PCDHGB4: variants seen among roughly 807,000 people sequenced by gnomAD.
PCDHGB4 encodes protocadherin gamma-B4.
In PCDHGB4, 38 loss-of-function variants were observed where a neutral mutation model predicts 60.5. The observed-to-expected ratio is 0.63, with a 90% confidence interval of 0.48 to 0.82. The LOEUF is 0.82. PCDHGB4 is among the 40% of genes least tolerant of loss of function. The pLI is 0.00. For missense variants in PCDHGB4, 1,109 were observed against 1,209.6 expected, an observed-to-expected ratio of 0.92 and a Z score of 1.23; for synonymous variants, 456 against 509.7, an observed-to-expected ratio of 0.89 and a Z score of 1.42.
chr5:141,505,450 G>T lies in PCDHGB4; in HGVS notation c.2514G>T (p.Met838Ile). Residue 838 changes from methionine (M) to isoleucine (I), a missense_variant, in exon 3 of 4, where the codon ATG becomes ATT. By Grantham distance (10) the Met-to-Ile change is conservative (BLOSUM62 1). This residue lies in a region of PCDHGB4 where 1,068 missense variants were observed against 1,089.9 expected (regional missense o/e 0.98). Coordinates refer to ENST00000519479, the MANE Select transcript of PCDHGB4 (RefSeq NM_003736.4). ...TWPNNQFDTE[M>I]LQAMILASAS... ...CCAACAACCAGTTTGACACAGAGAT[G>T]CTGCAAGCCATGATCTTGGCGTCCG... 6.2e-7 allele frequency: 1 copy of T among 1,614,194 alleles called. No homozygotes were observed. The highest frequency in any genetic ancestry group is 8.5e-7 in the Non-Finnish European group (1 of 1,180,012).
intron 1 of PCDHGB4, chr5:141,417,729 G>T (rs1175282861): frequency 1.6e-5 from 22 of 1,376,276 alleles, no homozygotes; most frequent in African/African-American, 8.8e-5. Context: ...CGCAGACCTT[G>T]CCCAGCACAC....
At chr5:141,441,863 C>A in intron 1 of PCDHGB4, 2 of 342,418 alleles carry the variant, frequency 5.8e-6, no homozygotes, top group African/African-American at 2.2e-5. Flanking sequence ...CTGCACGCCG[C>A]GGAGCCTGGC....
chr5:141,468,433 A>G (rs2099167290), intron 1 of PCDHGB4: 1 of 152,202 alleles, frequency 6.6e-6, no homozygotes, highest in Non-Finnish European at 1.5e-5. Context: ...GGTAATAGCA[A>G]AATGTGGGTG....
intron 1 of PCDHGB4, chr5:141,427,797 G>A (rs1194658203): frequency 6.0e-6 from 9 of 1,505,188 alleles, no homozygotes; most frequent in Admixed American, 3.4e-5. Context: ...CTACGTGTCC[G>A]TGAGCGCACA....
intron 1 of PCDHGB4, among the ~76,000 whole-genome samples, chr5:141,451,924 G>C (rs1337159204): frequency 1.3e-5 from 2 of 152,008 alleles, no homozygotes; most frequent in African/African-American, 4.8e-5. Context: ...AAGGAAGGGA[G>C]GTAGGGAGGC....
intron 1 of PCDHGB4, among the ~76,000 whole-genome samples, chr5:141,445,011 T>C (rs970882082): frequency 1.3e-5 from 2 of 152,196 alleles, no homozygotes; most frequent in Non-Finnish European, 2.9e-5. Flanking sequence ...AATTAGGTCT[T>C]TAATTTCTCT....
At chr5:141,426,850 C>T in intron 1 of PCDHGB4, 1 of 456,734 alleles carries the variant, frequency 2.2e-6, no homozygotes. Context: ...GGCAAGAACG[C>T]TCCAGAATTA....
At chr5:141,507,474 C>T (rs774159694) in intron 3 of PCDHGB4, among the ~76,000 whole-genome samples, 2 of 152,196 alleles carry the variant, frequency 1.3e-5, no homozygotes, top group Non-Finnish European at 2.9e-5. Flanking sequence ...GCAGGGACTG[C>T]TGGCCTCCTG....
At chr5:141,403,452 T>C (rs1482278011) in intron 1 of PCDHGB4, 15 of 1,613,988 alleles carry the variant, frequency 9.3e-6, no homozygotes, top group Non-Finnish European at 1.3e-5. Flanking sequence ...GTGAACTCCC[T>C]CCAGAGCTAC....
chr5:141,403,088 G>C (rs1561685667), intron 1 of PCDHGB4: 2 of 1,614,030 alleles, frequency 1.2e-6, no homozygotes, highest in Non-Finnish European at 1.7e-6. Context: ...CTATATTGTG[G>C]GCAACATCTC....
chr5:141,457,428 C>G (rs72790053), intron 1 of PCDHGB4, among the ~76,000 whole-genome samples: 1,866 of 152,262 alleles, frequency 0.012, 18 homozygotes, highest in Non-Finnish European at 0.017. Context: ...TTTTTCCCCC[C>G]CACCAAGCTG....
At chr5:141,483,737 G>A (rs1052778197) in intron 1 of PCDHGB4, among the ~76,000 whole-genome samples, 4 of 152,102 alleles carry the variant, frequency 2.6e-5, no homozygotes, top group South Asian at 2.1e-4. Context: ...TAGTCAAAAG[G>A]ATATTCCTGA....
intron 1 of PCDHGB4, chr5:141,418,511 G>A: frequency 5.6e-6 from 9 of 1,613,974 alleles, no homozygotes; most frequent in Non-Finnish European, 7.6e-6. Context: ...CTTAGATGGT[G>A]GGGACCCTCC....
chr5:141,395,119 T>C, intron 1 of PCDHGB4: 1 of 1,614,182 alleles, frequency 6.2e-7, no homozygotes. Flanking sequence ...AGTCACCTGA[T>C]CTTTCCCCAG....
Position 141,489,569 on chromosome 5 carries a change from C to T in PCDHGB4, c.2398-5238C>T. On this transcript the variant is annotated intron_variant, in intron 1 of 3. Coordinates refer to ENST00000519479, the MANE Select transcript of PCDHGB4 (RefSeq NM_003736.4). This position sits in a 1 kb window ranked among gnomAD's most constrained non-coding sequence, Gnocchi z 4.5. ...TGCCTGCTGCCAGTGCAGGTGGTGACTGAACACCCCCTGGAGCTAATCCGT... is the reference window on the plus strand; with the variant it reads ...TGCCTGCTGCCAGTGCAGGTGGTGATTGAACACCCCCTGGAGCTAATCCGT... 6.2e-7 allele frequency: 1 copy of T among 1,614,024 alleles called. No homozygotes were observed. The highest frequency in any genetic ancestry group is 2.2e-5 in the East Asian group (1 of 44,870).
At position 141,460,491 on chromosome 5, in the gene PCDHGB4, A is replaced by G. The variant is rs544539917; in HGVS notation, c.2398-34316A>G. Among the ~76,000 whole-genome samples, 240 of 152,272 alleles carry G rather than the reference A, an allele frequency of 1.6e-3. 1 individual carries two copies. Among genetic ancestry groups the G allele is most frequent in the Non-Finnish European group, 2.6e-3 (177 of 68,014 alleles). On this transcript the variant is annotated intron_variant, in intron 1 of 3. Transcript: ENST00000519479. ...AAGGAATATCCAATTGTCTCTTTGG[A>G]AAAATATGCTGAGAAGGCTATCTTT...
In PCDHGB4 at chr5:141,510,950, C is replaced by T. The variant is rs770587030; in HGVS notation, c.2549C>T (p.Ala850Val). 1.2e-6 allele frequency: 2 copies of T among 1,614,126 alleles called. No homozygotes were observed. The highest frequency in any genetic ancestry group is 2.2e-5 in the South Asian group (2 of 91,078). ...QAMILASASE[A>V]ADGSSTLGGG... Reference sequence around the variant, plus strand: ...TGATCTTCCTCTGTCTCTGCAGAAGCTGCTGATGGGAGCTCCACCCTGGGA... The same window carrying T: ...TGATCTTCCTCTGTCTCTGCAGAAGTTGCTGATGGGAGCTCCACCCTGGGA... The change falls in exon 4 of 4, where the codon GCT (alanine) becomes GTT (valine). Residue 850 changes from alanine (A) to valine (V), a missense_variant. Physicochemically the swap from Ala to Val is moderately conservative, Grantham distance 64. This residue lies in a region of PCDHGB4 where 1,068 missense variants were observed against 1,089.9 expected (regional missense o/e 0.98). Transcript: ENST00000519479.
intron 1 of PCDHGB4, chr5:141,395,376 T>G (rs1589259426): frequency 1.7e-6 from 2 of 1,180,196 alleles, no homozygotes; most frequent in East Asian, 5.2e-5. Flanking sequence ...TTTGGTGGTG[T>G]TACTATAAAA....
At chr5:141,438,949 A>G (rs538626951) in intron 1 of PCDHGB4, among the ~76,000 whole-genome samples, 1 of 152,170 alleles carries the variant, frequency 6.6e-6, no homozygotes, top group East Asian at 1.9e-4. Flanking sequence ...TATAGGCATG[A>G]GCCACCGCAC....
Sources: gnomAD v4.1 joint callset for allele counts (sites outside exome capture counted in the v4.1 genomes callset) on GRCh38, gnomAD v4.1.1 for gene constraint, gnomAD v4.1.1 regional missense constraint, Gnocchi (gnomAD v3.1) non-coding constraint, MANE v1.5 for transcripts, NCBI Gene and HGNC (gene_info 2026-07-23, HGNC 2026-07-21) for gene names.